The following MAGI2 variants were observed in gnomAD, a reference collection of about 807,000 sequenced individuals.
The protein encoded by MAGI2 is membrane-associated guanylate kinase, WW and PDZ domain-containing protein 2.
MAGI2 carries 35 observed loss-of-function variants against 133.3 expected under a neutral mutation model. The observed-to-expected ratio is 0.26, with a 90% CI of 0.20 to 0.35. The LOEUF (loss-of-function observed/expected upper bound fraction) is 0.35, where lower values mean the gene tolerates loss of function less well. Ranked by LOEUF, MAGI2 falls within the 10% of genes least tolerant of loss-of-function variation. The pLI, the probability that MAGI2 is intolerant of heterozygous loss-of-function variation, is 1.00. For synonymous variants in MAGI2, 729 were observed against 710.6 expected (o/e 1.03, Z -0.41); for missense variants, 1,636 against 1,863.4 (o/e 0.88, Z 2.25).
chr7:79,254,280 C>T (rs1833530757), intron 1 of MAGI2, among the ~76,000 whole-genome samples: 1 of 147,716 alleles, frequency 6.8e-6, no homozygotes, highest in East Asian at 2.0e-4. Context: ...AATTCTCTAT[C>T]ACACGCTTTA....
chr7:78,441,506 A>G (rs759424), intron 6 of MAGI2, among the ~76,000 whole-genome samples: 136,611 of 152,206 alleles, frequency 0.9, 62,374 homozygotes, highest in East Asian at 0.98. Flanking sequence ...TTTATGCACA[A>G]TTAGGGATTT....
At chr7:78,535,358 C>G (rs1402170118) in intron 3 of MAGI2, among the ~76,000 whole-genome samples, 1 of 152,084 alleles carries the variant, frequency 6.6e-6, no homozygotes, top group Non-Finnish European at 1.5e-5. Flanking sequence ...TAAAAGGAAG[C>G]CCTTAGGGGT....
intron 2 of MAGI2, among the ~76,000 whole-genome samples, chr7:78,923,402 T>G (rs1405025501): frequency 1.3e-5 from 2 of 152,242 alleles, no homozygotes; most frequent in African/African-American, 4.8e-5. Flanking sequence ...AGCTTCAGAT[T>G]TCTACATATG....
At chr7:79,357,056 C>G (rs1842067303) in intron 1 of MAGI2, among the ~76,000 whole-genome samples, 1 of 152,130 alleles carries the variant, frequency 6.6e-6, no homozygotes, top group African/African-American at 2.4e-5. Flanking sequence ...AAATGATGCT[C>G]AAGGTTATTT....
intron 7 of MAGI2, among the ~76,000 whole-genome samples, chr7:78,360,261 G>A (rs1792638530): frequency 6.6e-6 from 1 of 152,140 alleles, no homozygotes; most frequent in Non-Finnish European, 1.5e-5. Flanking sequence ...TCTAGAAGAT[G>A]CAAATGCCAG....
At chr7:79,163,619 C>T (rs1045804673) in intron 1 of MAGI2, among the ~76,000 whole-genome samples, 15 of 152,008 alleles carry the variant, frequency 9.9e-5, no homozygotes, top group Non-Finnish European at 2.1e-4. Context: ...CTACAATCCT[C>T]AAATAAGATT....
intron 6 of MAGI2, among the ~76,000 whole-genome samples, chr7:78,477,140 C>A (rs1419012266): frequency 6.6e-6 from 1 of 151,744 alleles, no homozygotes; most frequent in African/African-American, 2.4e-5. Flanking sequence ...CAGATCAGTG[C>A]TTCACCTTTC....
At chr7:79,024,145 A>G (rs1368336591) in intron 1 of MAGI2, among the ~76,000 whole-genome samples, 1 of 152,056 alleles carries the variant, frequency 6.6e-6, no homozygotes, top group African/African-American at 2.4e-5. Context: ...CATAGAGACC[A>G]ATGGAACAAA....
At chr7:79,398,858 CA>C (rs1478822579) in intron 1 of MAGI2, among the ~76,000 whole-genome samples, 2 of 152,114 alleles carry the variant, frequency 1.3e-5, no homozygotes, top group East Asian at 3.9e-4. Context: ...TTGATTATAG[CA>C]AAATACAGAT....
At chr7:78,461,935 A>G (rs796640048) in intron 6 of MAGI2, among the ~76,000 whole-genome samples, 2 of 111,252 alleles carry the variant, frequency 1.8e-5, no homozygotes, top group Middle Eastern at 5.1e-3. Flanking sequence ...AAAAAAAAAA[A>G]AAAAAAAAAA....
At chr7:78,608,764 G>A (rs2215030) in intron 3 of MAGI2, among the ~76,000 whole-genome samples, 1 of 152,148 alleles carries the variant, frequency 6.6e-6, no homozygotes, top group African/African-American at 2.4e-5. Context: ...GAATCACATA[G>A]TTACATGGTA....
intron 1 of MAGI2, among the ~76,000 whole-genome samples, chr7:79,011,918 T>C (rs1229342469): frequency 1.5e-5 from 2 of 137,186 alleles, no homozygotes; most frequent in Non-Finnish European, 3.2e-5. Context: ...CCTTCCTTCC[T>C]TCCTTCCTTT....
chr7:79,063,286 T>G (rs1034540183), intron 1 of MAGI2, among the ~76,000 whole-genome samples: 2 of 152,224 alleles, frequency 1.3e-5, no homozygotes, highest in South Asian at 4.1e-4. Flanking sequence ...ATCAGCCAAA[T>G]CAAAATTGTA....
Position 79,319,743 on chromosome 7 carries a change from AT to A in MAGI2, c.301+133276del, listed in dbSNP as rs1247025401. On this transcript the variant is annotated intron_variant, in intron 1 of 21. Coordinates refer to ENST00000354212, the MANE Select transcript of MAGI2 (RefSeq NM_012301.4). ...CTTCTACCATCTTAAAACTAATTTT[AT>A]TTTGCTCTTCCTGTTAAATGAAGTC... 1.2e-4 allele frequency among the ~76,000 whole-genome samples: 19 copies of A among 152,210 alleles called. No individual in the cohort carries two copies. In the South Asian group the frequency reaches 3.3e-3, roughly 27 times the overall value.
intron 9 of MAGI2, among the ~76,000 whole-genome samples, chr7:78,334,176 A>C (rs1283741924): frequency 6.6e-6 from 1 of 152,140 alleles, no homozygotes; most frequent in African/African-American, 2.4e-5. Flanking sequence ...AATGGTTAGG[A>C]AGGGCCAAAG....
chr7:78,635,780 ACAATCAT>A (rs1223548336), intron 2 of MAGI2, among the ~76,000 whole-genome samples: 7 of 152,342 alleles, frequency 4.6e-5, no homozygotes, highest in African/African-American at 1.7e-4. Context: ...AAGTAAGAAC[ACAATCAT>A]CAGATTTGTG....
At chr7:79,206,940 C>A (rs981471819) in intron 1 of MAGI2, among the ~76,000 whole-genome samples, 1 of 151,796 alleles carries the variant, frequency 6.6e-6, no homozygotes, top group African/African-American at 2.4e-5. Flanking sequence ...TGAAACAACA[C>A]ATAAACAGAA....
At chr7:79,171,251 C>T (rs144508364) in intron 1 of MAGI2, among the ~76,000 whole-genome samples, 218 of 152,148 alleles carry the variant, frequency 1.4e-3, no homozygotes, top group African/African-American at 5.0e-3. Context: ...TAGCTTCTGG[C>T]GTTTCTTTGG....
intron 3 of MAGI2, among the ~76,000 whole-genome samples, chr7:78,606,270 G>A (rs189593390): frequency 5.6e-4 from 85 of 152,234 alleles, no homozygotes; most frequent in Non-Finnish European, 1.1e-3. Flanking sequence ...TAAGAACTAG[G>A]TCTGAGTTAG....
Sources: allele counts gnomAD v4.1 joint callset (sites outside exome capture counted in the v4.1 genomes callset), GRCh38; gene constraint gnomAD v4.1.1; transcripts MANE v1.5; gene names NCBI Gene and HGNC (gene_info 2026-07-23, HGNC 2026-07-21).